The following TSPEAR variants were observed in gnomAD, a reference collection of about 807,000 sequenced individuals.
TSPEAR encodes thrombospondin-type laminin G domain and EAR repeat-containing protein.
A neutral mutation model predicts 71.6 loss-of-function variants in TSPEAR; 69 were observed. The observed-to-expected ratio is 0.96, with a 90% CI of 0.79 to 1.18. The LOEUF (loss-of-function observed/expected upper bound fraction) is 1.18. Among genes scored for constraint, TSPEAR ranks in the 50% most tolerant of loss-of-function variants. The probability of loss-of-function intolerance (pLI) is 0.00; values close to 1 mark genes in which losing one functional copy is unlikely to be tolerated. For missense variants in TSPEAR, 971 were observed against 894.9 expected (o/e 1.09, Z -1.09); for synonymous variants, 402 against 387.2 (o/e 1.04, Z -0.45).
intron 1 of TSPEAR, among the ~76,000 whole-genome samples, chr21:44,705,492 T>C (rs1274745736): frequency 2.0e-5 from 3 of 152,188 alleles, no homozygotes; most frequent in Non-Finnish European, 4.4e-5. Flanking sequence ...ATGGGAGAAA[T>C]ATCGCTGAAT....
intron 1 of TSPEAR, among the ~76,000 whole-genome samples, chr21:44,605,368 T>C (rs9974127): frequency 0.18 from 27,948 of 152,142 alleles, 5,646 homozygotes; most frequent in African/African-American, 0.5. Flanking sequence ...TGTTAAAATG[T>C]CCATACTACC....
intron 9 of TSPEAR, among the ~76,000 whole-genome samples, chr21:44,513,411 TAGAGG>T (rs1395538129): frequency 2.4e-4 from 36 of 152,286 alleles, no homozygotes; most frequent in African/African-American, 7.2e-4. Flanking sequence ...TAGGGACTCA[TAGAGG>T]AGAGAGAAAG....
At chr21:44,617,425 G>C (rs1042839577) in intron 1 of TSPEAR, among the ~76,000 whole-genome samples, 16 of 152,374 alleles carry the variant, frequency 1.1e-4, no homozygotes, top group African/African-American at 3.4e-4. Flanking sequence ...GGTGGGCGGA[G>C]GGCCCCAATG....
At chr21:44,549,951 C>A (rs1248954909) in intron 2 of TSPEAR, among the ~76,000 whole-genome samples, 1 of 152,228 alleles carries the variant, frequency 6.6e-6, no homozygotes, top group African/African-American at 2.4e-5. Flanking sequence ...CCCAAGCTGT[C>A]CCTGAGTGGA....
chr21:44,655,757 G>A (rs1275002980), intron 1 of TSPEAR, among the ~76,000 whole-genome samples: 3 of 152,280 alleles, frequency 2.0e-5, no homozygotes, highest in Non-Finnish European at 2.9e-5. Flanking sequence ...TGGCCACAGC[G>A]CTTTATTCTA....
chr21:44,699,098 G>T (rs7278629), intron 1 of TSPEAR, among the ~76,000 whole-genome samples: 86,830 of 151,750 alleles, frequency 0.57, 25,750 homozygotes, highest in African/African-American at 0.73. Flanking sequence ...CCCGGGAAGC[G>T]GAAGCAGAAG....
At chr21:44,610,584 G>C (rs1380788986) in intron 1 of TSPEAR, among the ~76,000 whole-genome samples, 2 of 152,252 alleles carry the variant, frequency 1.3e-5, no homozygotes, top group Admixed American at 1.3e-4. Context: ...TGCTACGGCA[G>C]TGCAGAAGGG....
At chr21:44,600,236 C>T (rs185130312) in intron 1 of TSPEAR, among the ~76,000 whole-genome samples, 5 of 152,188 alleles carry the variant, frequency 3.3e-5, no homozygotes, top group African/African-American at 7.2e-5. Flanking sequence ...GGCCCACAGG[C>T]GCTGGGATTA....
chr21:44,518,414 T>C, intron 9 of TSPEAR: 1 of 408,324 alleles, frequency 2.4e-6, no homozygotes, highest in South Asian at 1.8e-5. Flanking sequence ...CTTGGTGTTA[T>C]CACAGGGGCT....
intron 1 of TSPEAR, among the ~76,000 whole-genome samples, chr21:44,629,255 G>A (rs1053865210): frequency 2.6e-5 from 4 of 152,218 alleles, no homozygotes; most frequent in Non-Finnish European, 5.9e-5. Flanking sequence ...GGAGCTGCAT[G>A]TGTCAGCTCA....
rs79750899 is a variant in TSPEAR, at chr21:44,629,855, G to A, written c.83-61850C>T. Among the ~76,000 whole-genome samples the A allele has an allele frequency of 7.4e-3, 1,120 of 152,296 alleles. 7 individuals carry two copies. Among genetic ancestry groups the A allele is most frequent in the Non-Finnish European group, 9.6e-3 (656 of 68,034 alleles). ...AAGGGGAACTCTCACTGGTCCCACCGCAGGAGGCACGGCTCGCTTCCAGAA... is the reference window on the plus strand; with the variant it reads ...AAGGGGAACTCTCACTGGTCCCACCACAGGAGGCACGGCTCGCTTCCAGAA... On this transcript the variant is annotated intron_variant, in intron 1 of 11. Coordinates refer to ENST00000323084, the MANE Select transcript of TSPEAR (RefSeq NM_144991.3).
At chr21:44,548,705 C>G (rs114357632) in intron 2 of TSPEAR, among the ~76,000 whole-genome samples, 1 of 152,174 alleles carries the variant, frequency 6.6e-6, no homozygotes, top group Non-Finnish European at 1.5e-5. Flanking sequence ...TCTGATGTTC[C>G]GTGGAGGGAC....
rs1982559520 is a variant in TSPEAR at position 44,623,173 on chromosome 21, T to C, written c.83-55168A>G. The stretch of plus-strand genomic sequence containing the variant: ...AGTCTCAAATATTTCTTTATAGCAA[T>C]GCGAGACCAGCTTAACACAGTGAGG... On this transcript the variant is annotated intron_variant, in intron 1 of 11. Coordinates refer to ENST00000323084, the MANE Select transcript of TSPEAR (RefSeq NM_144991.3). This position sits in a 1 kb window ranked among gnomAD's most constrained non-coding sequence, Gnocchi z 4.5. 6.6e-6 allele frequency among the ~76,000 whole-genome samples: 1 copy of C among 152,204 alleles called. No homozygotes were observed. Among genetic ancestry groups the C allele is most frequent in the Non-Finnish European group, 1.5e-5 (1 of 68,044 alleles).
intron 9 of TSPEAR, among the ~76,000 whole-genome samples, chr21:44,514,607 T>G (rs1392389133): frequency 1.3e-5 from 2 of 152,146 alleles, no homozygotes; most frequent in African/African-American, 2.4e-5. Context: ...CCAAACCTAT[T>G]TTGGAGTCCA....
chr21:44,655,182 CCA>C (rs1339351837), intron 1 of TSPEAR, among the ~76,000 whole-genome samples: 2 of 152,174 alleles, frequency 1.3e-5, no homozygotes, highest in Admixed American at 6.5e-5. Flanking sequence ...GGCCGATACC[CCA>C]TTTTACAGAT....
intron 9 of TSPEAR, among the ~76,000 whole-genome samples, chr21:44,514,651 C>T (rs587737018): frequency 2.4e-4 from 37 of 152,320 alleles, no homozygotes; most frequent in African/African-American, 7.7e-4. Flanking sequence ...GCCTACTCCT[C>T]GTCAGCTCAG....
At chr21:44,533,358 G>A (rs1362786975) in intron 3 of TSPEAR, among the ~76,000 whole-genome samples, 4 of 152,182 alleles carry the variant, frequency 2.6e-5, no homozygotes, top group Non-Finnish European at 5.9e-5. Context: ...CCCATGGTCA[G>A]CCCCTGCCTC....
chr21:44,511,488 G>A (rs587597500), intron 9 of TSPEAR, among the ~76,000 whole-genome samples: 5 of 152,096 alleles, frequency 3.3e-5, no homozygotes, highest in East Asian at 1.9e-4. Context: ...CTACACACAC[G>A]TATGTATGCA....
At chr21:44,532,977 G>A (rs2053003518) in intron 3 of TSPEAR, among the ~76,000 whole-genome samples, 1 of 152,206 alleles carries the variant, frequency 6.6e-6, no homozygotes, top group Non-Finnish European at 1.5e-5. Flanking sequence ...TGGGGAAGGA[G>A]TTACTCTGAC....
Sources: gnomAD v4.1 joint callset for allele counts (sites outside exome capture counted in the v4.1 genomes callset) on GRCh38, gnomAD v4.1.1 for gene constraint, Gnocchi (gnomAD v3.1) non-coding constraint, MANE v1.5 for transcripts, NCBI Gene and HGNC (gene_info 2026-07-23, HGNC 2026-07-21) for gene names.